MAPK6: variants seen among roughly 807,000 people sequenced by gnomAD.
MAPK6 encodes the protein ERK-3.
In MAPK6, 19 loss-of-function variants were observed where a neutral mutation model predicts 59.3. The ratio of observed to expected loss-of-function variants is 0.32; its 90% CI spans 0.22 to 0.47. MAPK6 has a LOEUF of 0.47. Ranked by LOEUF, MAPK6 falls within the 20% of genes least tolerant of loss-of-function variation. The pLI is 1.00. For missense variants in MAPK6, 724 were observed against 847.9 expected (o/e 0.85, Z 1.81); for synonymous variants, 316 against 290.3 (o/e 1.09, Z -0.90).
At chr15:52,056,930 G>A (rs1434517931) in intron 3 of MAPK6, 1 of 152,176 alleles carries the variant, frequency 6.6e-6, no homozygotes, top group Admixed American at 6.5e-5. Context: ...TCTCCACTCA[G>A]ATGTCTAATA....
rs563938566 is a variant in MAPK6 at position 51,991,987 on chromosome 15, C to T, written c.-770+8672C>T. On this transcript the variant is annotated intron_variant, in intron 2 of 7. Coordinates refer to the MAPK6 transcript ENST00000691380. ...CTATTATTTTTTGGAGACTGGGTCTCGCTCTGTCACCCAGGCTGGAGTGCA... is the reference window on the plus strand; with the variant it reads ...CTATTATTTTTTGGAGACTGGGTCTTGCTCTGTCACCCAGGCTGGAGTGCA... Among the ~76,000 whole-genome samples the T allele has an allele frequency of 2.4e-4, 36 of 152,266 alleles. 1 individual carries two copies. Among genetic ancestry groups the T allele is most frequent in the African/African-American group, 6.5e-4 (27 of 41,546 alleles).
intron 3 of MAPK6, among the ~76,000 whole-genome samples, chr15:52,010,514 C>CTTTT (rs762352581): frequency 3.3e-5 from 3 of 91,864 alleles, no homozygotes; most frequent in Non-Finnish European, 6.4e-5. Flanking sequence ...TGCACCCAGC[C>CTTTT]TTTTTTTTTT....
intron 1 of MAPK6, among the ~76,000 whole-genome samples, chr15:52,024,110 T>C (rs925686321): frequency 6.6e-6 from 1 of 152,232 alleles, no homozygotes; most frequent in Non-Finnish European, 1.5e-5. Context: ...CAGAAAAGTC[T>C]GCCTCTGCAG....
chr15:51,993,572 A>G lies in MAPK6; in HGVS notation c.-770+10257A>G, dbSNP rs1035159493. Among the ~76,000 whole-genome samples, 17 of 152,320 alleles carry G rather than the reference A, an allele frequency of 1.1e-4. No individual in the cohort carries two copies. The East Asian group carries it at 2.9e-3, about 26-fold the overall frequency. ...ATTAGAAAGGTATTAGTGTAAATTC[A>G]TAATTTTAAATATAGATAGATGGAT... On this transcript the variant is annotated intron_variant, in intron 2 of 7. Coordinates refer to the MAPK6 transcript ENST00000691380.
At chr15:52,008,970 G>A (rs1240602334) in intron 3 of MAPK6, among the ~76,000 whole-genome samples, 2 of 152,200 alleles carry the variant, frequency 1.3e-5, no homozygotes, top group Non-Finnish European at 2.9e-5. Flanking sequence ...TGGGAGGTGA[G>A]AGGCAGGATT....
In MAPK6 at chr15:51,991,786, G is replaced by A. The variant is rs979033351; in HGVS notation, c.-770+8471G>A. Among the ~76,000 whole-genome samples, 3 of 152,320 alleles carry A rather than the reference G, an allele frequency of 2.0e-5. No individual in the cohort carries two copies. In the South Asian group the frequency reaches 6.2e-4, roughly 32 times the overall value. On this transcript the variant is annotated intron_variant, in intron 2 of 7. Coordinates refer to the MAPK6 transcript ENST00000691380. ...ACCTGTGGAGATGCAGTGGGAGGAT[G>A]GGCCAGGTAGAAGAATCCGGCACAG...
intron 1 of MAPK6, among the ~76,000 whole-genome samples, chr15:51,981,700 A>G (rs1338039865): frequency 6.6e-6 from 1 of 152,142 alleles, no homozygotes; most frequent in Non-Finnish European, 1.5e-5. Flanking sequence ...TCCTAAAAAG[A>G]CCTTTGCAGC....
intron 2 of MAPK6, among the ~76,000 whole-genome samples, chr15:51,989,721 T>C (rs2057202194): frequency 6.6e-6 from 1 of 152,136 alleles, no homozygotes; most frequent in Non-Finnish European, 1.5e-5. Flanking sequence ...TGCCTCAGTC[T>C]CCCAACTAGC....
At chr15:51,981,748 G>A (rs2057174226) in intron 1 of MAPK6, among the ~76,000 whole-genome samples, 1 of 152,094 alleles carries the variant, frequency 6.6e-6, no homozygotes, top group Non-Finnish European at 1.5e-5. Flanking sequence ...ACCAGAGCAG[G>A]AACAACTACT....
chr15:52,064,058 G>T lies in MAPK6; in HGVS notation c.1224G>T (p.Lys408Asn). The change falls in exon 6 of 6, where the codon AAG (lysine) becomes AAT (asparagine). Residue 408 changes from lysine to asparagine, a missense_variant. Physicochemically the swap from Lys to Asn is moderately conservative, Grantham distance 94. This residue lies in a region of MAPK6 where 502 missense variants were observed against 507.6 expected (regional missense o/e 0.99). Transcript: ENST00000261845. ...PRKYLDGDRE[K>N]YLEDPAFDTN... ...AATATTTGGATGGAGATCGGGAAAA[G>T]TATCTGGAGGATCCTGCTTTTGATA... 2 of 1,613,602 alleles carry T rather than the reference G, an allele frequency of 1.2e-6. No individual in the cohort carries two copies. The highest frequency in any genetic ancestry group is 1.1e-5 in the South Asian group (1 of 91,008).
intron 1 of MAPK6, among the ~76,000 whole-genome samples, chr15:52,031,875 G>T (rs958500851): frequency 6.6e-6 from 1 of 152,048 alleles, no homozygotes; most frequent in African/African-American, 2.4e-5. Context: ...CATGTTCAGT[G>T]CTGTGACTTT....
At chr15:52,016,066 GCGCGCACACACACA>G (rs2030244570), upstream of MAPK6, among the ~76,000 whole-genome samples, 6 of 44,402 alleles carry the variant, frequency 1.4e-4, 1 homozygote, top group South Asian at 3.8e-3. Flanking sequence ...GCGCGCGCGC[GCGCGCACACACACA>G]CACACACACA....
chr15:52,029,030 G>T (rs1210920919), intron 1 of MAPK6, among the ~76,000 whole-genome samples: 4 of 152,096 alleles, frequency 2.6e-5, no homozygotes, highest in Non-Finnish European at 5.9e-5. Flanking sequence ...TTTACACCTT[G>T]TTATACTGTA....
At chr15:52,031,417 T>C (rs774273040) in intron 1 of MAPK6, among the ~76,000 whole-genome samples, 18 of 152,222 alleles carry the variant, frequency 1.2e-4, no homozygotes, top group Non-Finnish European at 1.9e-4. Context: ...TTTTTTAAGT[T>C]CTCTAAAATA....
At chr15:52,022,890 A>C (rs1270525804) in intron 1 of MAPK6, among the ~76,000 whole-genome samples, 3 of 152,028 alleles carry the variant, frequency 2.0e-5, no homozygotes, top group African/African-American at 7.2e-5. Flanking sequence ...GAGGCAGATC[A>C]CGAGGTCAGG....
At chr15:52,003,802 A>T (rs2141826022) in intron 2 of MAPK6, among the ~76,000 whole-genome samples, 1 of 152,364 alleles carries the variant, frequency 6.6e-6, no homozygotes, top group African/African-American at 2.4e-5. Flanking sequence ...AGAGATGAAA[A>T]TTCATTTGAA....
In MAPK6 at chr15:52,061,580, G is replaced by A. The variant is rs116227351; in HGVS notation, c.1067+80G>A. 3,084 of 1,060,022 alleles carry A rather than the reference G, an allele frequency of 2.9e-3. 73 individuals carry two copies. The African/African-American group carries it at 0.045, about 16-fold the overall frequency. 65.7% of individuals were successfully genotyped at this position (1,060,022 alleles called of 1,614,324 possible). On this transcript the variant is annotated intron_variant, in intron 5 of 5. Coordinates refer to ENST00000261845, the MANE Select transcript of MAPK6 (RefSeq NM_002748.4). ...ATGTAGTGAGTTTTTTTAAAATTATGTATAAGACATTGTAGAAGTCTTAAA... is the reference window on the plus strand; with the variant it reads ...ATGTAGTGAGTTTTTTTAAAATTATATATAAGACATTGTAGAAGTCTTAAA...
At position 52,064,655 on chromosome 15, in the gene MAPK6, A is replaced by G; in HGVS notation, c.1821A>G (p.Ile607Met). Residue 607 changes from isoleucine (I) to methionine (M), a missense_variant, in exon 6 of 6, where the codon ATA (isoleucine) becomes ATG (methionine). Physicochemically the swap from Ile to Met is conservative, Grantham distance 10. Coordinates refer to ENST00000261845, the MANE Select transcript of MAPK6 (RefSeq NM_002748.4). Reference protein sequence around the residue: ...FVSGGEDCFFINQFCEVRKDE... With the variant: ...FVSGGEDCFFMNQFCEVRKDE... ...GTGGTGGGGAGGACTGTTTTTTCAT[A>G]AATCAGTTTTGTGAGGTAAGGAAGG... is the stretch of plus-strand genomic sequence containing the variant. 6.2e-7 allele frequency: 1 copy of G among 1,611,646 alleles called. No homozygotes were observed. The highest frequency in any genetic ancestry group is 8.5e-7 in the Non-Finnish European group (1 of 1,179,696).
At chr15:52,055,422 TAA>T (rs2031938785) in intron 3 of MAPK6, among the ~76,000 whole-genome samples, 1 of 152,250 alleles carries the variant, frequency 6.6e-6, no homozygotes, top group Non-Finnish European at 1.5e-5. Flanking sequence ...AAAACAAATT[TAA>T]GTCTATATAA....
Sources: gnomAD v4.1 joint callset for allele counts (sites outside exome capture counted in the v4.1 genomes callset) on GRCh38, gnomAD v4.1.1 for gene constraint, gnomAD v4.1.1 regional missense constraint, MANE v1.5 for transcripts, NCBI Gene and HGNC (gene_info 2026-07-23, HGNC 2026-07-21) for gene names.